Variants in ACMSD observed in about 807,000 individuals in gnomAD.
ACMSD encodes the protein 2-amino-3-carboxymuconate-6-semialdehyde decarboxylase.
ACMSD carries 37 observed loss-of-function variants against 45.9 expected under a neutral mutation model. That is an observed-to-expected ratio of 0.81 (90% CI 0.62 to 1.06). The LOEUF (loss-of-function observed/expected upper bound fraction) is 1.06, where lower values mean the gene tolerates loss of function less well. ACMSD is among the 50% of genes least tolerant of loss of function. The pLI, the probability that ACMSD is intolerant of heterozygous loss-of-function variation, is 0.00. For missense variants in ACMSD, 434 were observed against 420.9 expected, an observed-to-expected ratio of 1.03 and a Z score of -0.27; for synonymous variants, 138 against 148.8, an observed-to-expected ratio of 0.93 and a Z score of 0.53.
chr2:134,849,461 A>G (rs898330147), intron 2 of ACMSD, among the ~76,000 whole-genome samples: 1 of 152,236 alleles, frequency 6.6e-6, no homozygotes, highest in Non-Finnish European at 1.5e-5. Context: ...AATGTATACA[A>G]TTATGCAAAA....
At chr2:134,873,562 G>A (rs955314022) in intron 8 of ACMSD, 2 of 152,126 alleles carry the variant, frequency 1.3e-5, no homozygotes, top group East Asian at 1.9e-4. Flanking sequence ...AAATCATGTC[G>A]AGCAAAAAGA....
At chr2:134,864,424 A>C (rs976481257) in intron 5 of ACMSD, among the ~76,000 whole-genome samples, 27 of 152,234 alleles carry the variant, frequency 1.8e-4, no homozygotes, top group African/African-American at 6.3e-4. Flanking sequence ...AGCCACTGTT[A>C]CCATACATAG....
rs7606440 is a variant in ACMSD at position 134,895,331 on chromosome 2, T to C, written c.850-3010T>C. Among the ~76,000 whole-genome samples, 171 of 42,002 alleles carry C rather than the reference T, an allele frequency of 4.1e-3. 3 individuals carry two copies. Among genetic ancestry groups the C allele is most frequent in the East Asian group, 8.5e-3 (8 of 944 alleles). The allele number at this position is 42,002 out of a possible 152,430, so 27.6% of individuals were successfully genotyped here. On this transcript the variant is annotated intron_variant, in intron 8 of 9. Transcript: ENST00000356140. ...AAAGAAAAAAAATATATATATGTTA[T>C]ATATATAATATATATATAACATATA...
chr2:134,877,275 T>C (rs901798482), intron 8 of ACMSD, among the ~76,000 whole-genome samples: 5 of 152,232 alleles, frequency 3.3e-5, no homozygotes, highest in Non-Finnish European at 5.9e-5. Flanking sequence ...CAGTCTGTCA[T>C]TGACCAAAAC....
intron 8 of ACMSD, among the ~76,000 whole-genome samples, chr2:134,878,575 C>T (rs1335109928): frequency 1.3e-5 from 2 of 152,192 alleles, no homozygotes; most frequent in South Asian, 2.1e-4. Flanking sequence ...GATCCACCCA[C>T]CTCAGCCTCC....
At chr2:134,865,175 G>A (rs1326207716) in intron 5 of ACMSD, among the ~76,000 whole-genome samples, 1 of 152,154 alleles carries the variant, frequency 6.6e-6, no homozygotes, top group African/African-American at 2.4e-5. Flanking sequence ...CACCAGTCAG[G>A]AGATTGCCTG....
chr2:134,864,490 CAT>C (rs1007546254), intron 5 of ACMSD, among the ~76,000 whole-genome samples: 7 of 152,204 alleles, frequency 4.6e-5, no homozygotes, highest in East Asian at 1.9e-4. Context: ...TTCTGTTACA[CAT>C]GTGATTTTGT....
chr2:134,871,060 G>T lies in ACMSD; in HGVS notation c.676G>T (p.Gly226Cys). 3 of 1,613,256 alleles carry T rather than the reference G, an allele frequency of 1.9e-6. No individual in the cohort carries two copies. Among genetic ancestry groups the T allele is most frequent in the Non-Finnish European group, 2.5e-6 (3 of 1,179,350 alleles). ...ACTGAAAGTGTGTTTCGCACATGGT[G>T]GTAAGACCCTATCTTTATTAGTCAG... The part of the protein sequence containing the change: ...PKLKVCFAHG[G>C]GAFPFTVGRI... The change falls in exon 7 of 10, where the codon GGT becomes TGT. Residue 226 changes from glycine to cysteine, a missense_variant and splice_region_variant. Transcript: ENST00000356140.
intron 1 of ACMSD, among the ~76,000 whole-genome samples, chr2:134,842,306 T>C (rs10198552): frequency 0.06 from 9,067 of 152,078 alleles, 403 homozygotes; most frequent in African/African-American, 0.13. Flanking sequence ...ATAAGTTGAG[T>C]CTTTGCAAGG....
chr2:134,855,701 G>T (rs1687549278), intron 2 of ACMSD, among the ~76,000 whole-genome samples: 1 of 152,208 alleles, frequency 6.6e-6, no homozygotes, highest in African/African-American at 2.4e-5. Context: ...CTTGCTCACT[G>T]ACCTGTTCCC....
chr2:134,860,187 C>A (rs1229596699), intron 3 of ACMSD, among the ~76,000 whole-genome samples: 1 of 152,226 alleles, frequency 6.6e-6, no homozygotes, highest in African/African-American at 2.4e-5. Flanking sequence ...CGCTTGAACC[C>A]AGGAGGCGGA....
chr2:134,877,625 GC>G (rs748703243), intron 8 of ACMSD: 1 of 151,002 alleles, frequency 6.6e-6, no homozygotes, highest in Non-Finnish European at 1.5e-5. Context: ...GCTGCTGGAT[GC>G]CCCCAAGAGT....
intron 8 of ACMSD, among the ~76,000 whole-genome samples, chr2:134,875,593 C>T (rs931608636): frequency 4.6e-5 from 7 of 152,040 alleles, no homozygotes; most frequent in Non-Finnish European, 7.4e-5. Flanking sequence ...TTTTTAAAGA[C>T]GGATACAAAG....
chr2:134,876,590 C>T (rs1688744309), intron 8 of ACMSD, among the ~76,000 whole-genome samples: 1 of 152,160 alleles, frequency 6.6e-6, no homozygotes, highest in African/African-American at 2.4e-5. Flanking sequence ...CTGTCATCTC[C>T]TACGACAATG....
intron 8 of ACMSD, among the ~76,000 whole-genome samples, chr2:134,881,941 A>G (rs1462671643): frequency 3.3e-5 from 5 of 152,160 alleles, no homozygotes. Flanking sequence ...AACATGGTGA[A>G]ACCCCATCTC....
At chr2:134,842,029 C>T (rs1044662107) in intron 1 of ACMSD, among the ~76,000 whole-genome samples, 2 of 152,184 alleles carry the variant, frequency 1.3e-5, no homozygotes, top group East Asian at 1.9e-4. Context: ...TTGATTCATA[C>T]ATGCCCATTT....
rs1689985477 is a variant in ACMSD, at chr2:134,894,582, A to G, written c.850-3759A>G. 3.3e-5 allele frequency among the ~76,000 whole-genome samples: 5 copies of G among 152,160 alleles called. No homozygotes were observed. In the South Asian group the frequency reaches 1.0e-3, roughly 31 times the overall value. Reference sequence around the variant, plus strand: ...TCTTCACCAATGCTTCAAAAAATATAAAAGAGCTCAATAAACAAGGAGTGG... The same window carrying G: ...TCTTCACCAATGCTTCAAAAAATATGAAAGAGCTCAATAAACAAGGAGTGG... On this transcript the variant is annotated intron_variant, in intron 8 of 9. Transcript: ENST00000356140.
At chr2:134,877,023 T>C (rs1021038103) in intron 8 of ACMSD, among the ~76,000 whole-genome samples, 2 of 152,208 alleles carry the variant, frequency 1.3e-5, no homozygotes, top group Non-Finnish European at 2.9e-5. Context: ...TCCACCCACC[T>C]TGGCCTCCCT....
At chr2:134,878,863 T>C (rs1340531994) in intron 8 of ACMSD, among the ~76,000 whole-genome samples, 2 of 152,204 alleles carry the variant, frequency 1.3e-5, no homozygotes, top group African/African-American at 2.4e-5. Context: ...TTCACATCAT[T>C]AGGCAAAAGA....
Sources: allele counts gnomAD v4.1 joint callset (sites outside exome capture counted in the v4.1 genomes callset), GRCh38; gene constraint gnomAD v4.1.1; transcripts MANE v1.5; gene names NCBI Gene and HGNC (gene_info 2026-07-23, HGNC 2026-07-21).